The following ABCG2 variants were observed in gnomAD, a reference collection of about 807,000 sequenced individuals.
The protein encoded by ABCG2 is ATP binding cassette subfamily G member 2 (JR blood group), also known as broad substrate specificity ATP-binding cassette transporter ABCG2.
In ABCG2, 80 loss-of-function variants were observed where a neutral mutation model predicts 73.5. That is an observed-to-expected ratio of 1.09 (90% CI 0.91 to 1.31). The LOEUF (loss-of-function observed/expected upper bound fraction) is 1.31, where lower values mean the gene tolerates loss of function less well. Ranked by LOEUF, ABCG2 falls within the 50% of genes most tolerant of loss-of-function variation. ABCG2 has a pLI of 0.00. For missense variants in ABCG2, 796 were observed against 786.2 expected (o/e 1.01, Z -0.15); for synonymous variants, 269 against 282.4 (o/e 0.95, Z 0.48).
At chr4:88,209,177 G>A (rs559055835) in intron 1 of ABCG2, among the ~76,000 whole-genome samples, 5 of 150,228 alleles carry the variant, frequency 3.3e-5, no homozygotes, top group East Asian at 2.0e-4. Flanking sequence ...AAGTGTGGTC[G>A]CACACACCTA....
At chr4:88,191,466 G>A (rs771437991) in intron 1 of ABCG2, among the ~76,000 whole-genome samples, 16 of 152,150 alleles carry the variant, frequency 1.1e-4, no homozygotes, top group Non-Finnish European at 7.4e-5. Context: ...AGGTGTTGGC[G>A]AGATGATGTG....
At chr4:88,098,832 T>C (rs959050685) in intron 12 of ABCG2, among the ~76,000 whole-genome samples, 1 of 152,172 alleles carries the variant, frequency 6.6e-6, no homozygotes, top group Non-Finnish European at 1.5e-5. Flanking sequence ...AAGTTCAGGC[T>C]GGGCACATCC....
chr4:88,160,521 T>G (rs1394631537), upstream of ABCG2, among the ~76,000 whole-genome samples: 1 of 152,012 alleles, frequency 6.6e-6, no homozygotes, highest in Non-Finnish European at 1.5e-5. Context: ...GAATATAGCA[T>G]TCTGTAATTA....
intron 1 of ABCG2, among the ~76,000 whole-genome samples, chr4:88,174,282 G>A (rs56357049): frequency 0.33 from 49,514 of 151,730 alleles, 8,848 homozygotes; most frequent in Non-Finnish European, 0.39. Flanking sequence ...TTTAAGCCCC[G>A]CATGCATTAG....
intron 1 of ABCG2, among the ~76,000 whole-genome samples, chr4:88,224,703 T>C (rs1191976527): frequency 6.6e-6 from 1 of 152,162 alleles, no homozygotes; most frequent in African/African-American, 2.4e-5. Context: ...TTTTTTTAAT[T>C]TTGATGAAGT....
At chr4:88,134,558 G>C (rs2622619) in intron 2 of ABCG2, among the ~76,000 whole-genome samples, 148,923 of 152,288 alleles carry the variant, frequency 0.98, 72,911 homozygotes, top group East Asian at 1. Context: ...TTATAAACAG[G>C]TCCCTAATAA....
chr4:88,177,131 G>A (rs1728023252), intron 1 of ABCG2, among the ~76,000 whole-genome samples: 1 of 152,316 alleles, frequency 6.6e-6, no homozygotes, highest in Admixed American at 6.5e-5. Flanking sequence ...CCAGCACTTT[G>A]GGAGGCCGAG....
At chr4:88,103,540 A>AGCT (rs1722583843) in intron 10 of ABCG2, among the ~76,000 whole-genome samples, 1 of 152,260 alleles carries the variant, frequency 6.6e-6, no homozygotes, top group Non-Finnish European at 1.5e-5. Context: ...AATCAAGCTA[A>AGCT]TTAACACATC....
intron 1 of ABCG2, among the ~76,000 whole-genome samples, chr4:88,229,068 C>T (rs2110136697): frequency 6.6e-6 from 1 of 152,360 alleles, no homozygotes; most frequent in African/African-American, 2.4e-5. Flanking sequence ...GGGTCCCCTT[C>T]CACACTGTGA....
intron 10 of ABCG2, among the ~76,000 whole-genome samples, chr4:88,104,851 C>T (rs1254990380): frequency 6.6e-6 from 1 of 152,088 alleles, no homozygotes; most frequent in South Asian, 2.1e-4. Context: ...GAAGAAACAC[C>T]TAAAGTTCTT....
Position 88,094,623 on chromosome 4 carries a change from A to G in ABCG2, c.1774T>C (p.Cys592Arg), listed in dbSNP as rs1721863842. 6.2e-7 allele frequency: 1 copy of G among 1,613,992 alleles called. No homozygotes were observed. The highest frequency in any genetic ancestry group is 8.5e-7 in the Non-Finnish European group (1 of 1,179,952). Reference protein sequence around the residue: ...QHNEFLGQNFCPGLNATGNNP... With the variant: ...QHNEFLGQNFRPGLNATGNNP... The stretch of plus-strand genomic sequence containing the variant: ...TTTCCTGTTGCATTGAGTCCTGGGC[A>G]GAAGTTTTGTCCCAAAAATTCATTA... Residue 592 changes from cysteine to arginine, a missense_variant, in exon 15 of 16, where the codon TGC (cysteine) becomes CGC (arginine). Physicochemically the swap from Cys to Arg is radical, Grantham distance 180 (BLOSUM62 -3). Transcript: ENST00000237612.
At chr4:88,128,699 C>G (rs1253308731) in intron 5 of ABCG2, among the ~76,000 whole-genome samples, 1 of 152,120 alleles carries the variant, frequency 6.6e-6, no homozygotes, top group Non-Finnish European at 1.5e-5. Context: ...CATGTTCTCA[C>G]TCATAAGTGG....
At chr4:88,157,065 G>A (rs1726992447) in intron 1 of ABCG2, among the ~76,000 whole-genome samples, 1 of 152,186 alleles carries the variant, frequency 6.6e-6, no homozygotes, top group African/African-American at 2.4e-5. Flanking sequence ...TCGTGCCACT[G>A]CACTCCAGTC....
chr4:88,152,334 C>T (rs1198839065), intron 1 of ABCG2, among the ~76,000 whole-genome samples: 2 of 152,160 alleles, frequency 1.3e-5, no homozygotes, highest in African/African-American at 2.4e-5. Flanking sequence ...TTTTCACTCG[C>T]GTCCGTGTGA....
At chr4:88,182,036 A>G (rs1728275940) in intron 1 of ABCG2, among the ~76,000 whole-genome samples, 1 of 152,184 alleles carries the variant, frequency 6.6e-6, no homozygotes, top group Non-Finnish European at 1.5e-5. Flanking sequence ...TGCAAGAAAC[A>G]CTTCACCTAT....
chr4:88,098,629 TAGAGAGAGAC>T (rs1215907265), intron 12 of ABCG2, among the ~76,000 whole-genome samples: 2 of 132,512 alleles, frequency 1.5e-5, no homozygotes, highest in Middle Eastern at 4.0e-3. Context: ...TATACATATA[TAGAGAGAGAC>T]AGGGAGAGAT....
At chr4:88,218,832 C>A in intron 1 of ABCG2, among the ~76,000 whole-genome samples, 1 of 152,200 alleles carries the variant, frequency 6.6e-6, no homozygotes, top group South Asian at 2.1e-4. Flanking sequence ...TCTTTACCTA[C>A]ATCATTGGTT....
At chr4:88,189,878 T>C (rs1385129150) in intron 1 of ABCG2, among the ~76,000 whole-genome samples, 1 of 152,230 alleles carries the variant, frequency 6.6e-6, no homozygotes, top group Non-Finnish European at 1.5e-5. Context: ...TTTTCATACA[T>C]GGTCTTTATC....
At chr4:88,189,900 G>A (rs557451527) in intron 1 of ABCG2, among the ~76,000 whole-genome samples, 4 of 152,218 alleles carry the variant, frequency 2.6e-5, no homozygotes, top group African/African-American at 4.8e-5. Flanking sequence ...TGCTGAAGAC[G>A]TTTCCTTCTA....
Sources: gnomAD v4.1 joint callset for allele counts (sites outside exome capture counted in the v4.1 genomes callset) on GRCh38, gnomAD v4.1.1 for gene constraint, MANE v1.5 for transcripts, NCBI Gene and HGNC (gene_info 2026-07-23, HGNC 2026-07-21) for gene names.